Variants in CYP4Z1 observed in about 807,000 individuals in gnomAD.
CYP4Z1 encodes the protein cytochrome P450 family 4 subfamily Z member 1, also known as cytochrome P450 4Z1.
A neutral mutation model predicts 54.2 loss-of-function variants in CYP4Z1; 41 were observed. The observed-to-expected ratio is 0.76, with a 90% CI of 0.59 to 0.98. The LOEUF (loss-of-function observed/expected upper bound fraction) is 0.98. Among genes scored for constraint, CYP4Z1 ranks in the 50% least tolerant of loss-of-function variants. The pLI is 0.00. For missense variants in CYP4Z1, 513 were observed against 599.0 expected, an observed-to-expected ratio of 0.86 and a Z score of 1.50; for synonymous variants, 163 against 206.2, an observed-to-expected ratio of 0.79 and a Z score of 1.79.
chr1:47,057,335 A>AAAAAAAAT, the CYP4Z1 span, among the ~76,000 whole-genome samples: 49 of 28,472 alleles, frequency 1.7e-3, no homozygotes, highest in African/African-American at 2.1e-3. Context: ...AAGAAAAAAA[A>AAAAAAAAT]ATATATATAT....
At chr1:47,109,431 T>C (rs28525993) in intron 9 of CYP4Z1, among the ~76,000 whole-genome samples, 57,553 of 148,150 alleles carry the variant, frequency 0.39, 9,132 homozygotes, top group East Asian at 0.8. Flanking sequence ...TGAGCTACTT[T>C]AGGAAAAGTG....
chr1:47,076,837 G>A (rs372385674), intron 2 of CYP4Z1, among the ~76,000 whole-genome samples: 1,054 of 50,868 alleles, frequency 0.021, 22 homozygotes, highest in African/African-American at 0.074. Context: ...AGAGCCAGAC[G>A]CTGTCTCAAA....
rs760368352 is a variant in CYP4Z1 at position 47,099,093 on chromosome 1, G to A, written c.877-1G>A. ...ATAAAGATCATCACTGTATTTTTTA[G>A]AGCGAAAACACCAAAGATTTCTCTG... On this transcript the variant is annotated splice_acceptor_variant, in intron 7 of 11. Transcript: ENST00000334194. LOFTEE classifies it high-confidence loss of function. 12 of 1,613,826 alleles carry A rather than the reference G, an allele frequency of 7.4e-6. No individual in the cohort carries two copies. Among genetic ancestry groups the A allele is most frequent in the African/African-American group, 1.3e-5 (1 of 74,904 alleles).
chr1:47,068,578 G>A (rs1336390055), intron 1 of CYP4Z1, 44 bp from the exon 2 acceptor site: 1 of 1,606,348 alleles, frequency 6.2e-7, no homozygotes, highest in South Asian at 1.1e-5. Context: ...GGTCCTCCTG[G>A]GGTGACAACC....
intron 2 of CYP4Z1, chr1:47,075,733 A>C (rs200493233): frequency 0.31 from 54,372 of 177,256 alleles, 4,505 homozygotes; most frequent in East Asian, 0.59. Context: ...GAAGAGCTGG[A>C]AGTAGGTGCC....
chr1:47,066,650 A>T (rs1464922912), upstream of CYP4Z1, among the ~76,000 whole-genome samples: 1 of 152,198 alleles, frequency 6.6e-6, no homozygotes, highest in Non-Finnish European at 1.5e-5. Flanking sequence ...TAGTACTGGA[A>T]GTCCTAGCCA....
At chr1:47,097,805 T>C (rs920517997) in intron 7 of CYP4Z1, among the ~76,000 whole-genome samples, 6 of 150,620 alleles carry the variant, frequency 4.0e-5, no homozygotes, top group Non-Finnish European at 8.8e-5. Context: ...TCAGGCTCTT[T>C]TTCAGTTCCA....
At chr1:47,076,981 G>C (rs1442371997) in intron 2 of CYP4Z1, among the ~76,000 whole-genome samples, 2 of 150,996 alleles carry the variant, frequency 1.3e-5, no homozygotes, top group African/African-American at 4.9e-5. Flanking sequence ...TAAATTTATT[G>C]AGACTTTTTT....
chr1:47,079,674 A>C (rs1644549766), intron 2 of CYP4Z1, among the ~76,000 whole-genome samples: 1 of 152,276 alleles, frequency 6.6e-6, no homozygotes, highest in African/African-American at 2.4e-5. Context: ...GAATTAGTTA[A>C]GAAGGGGTCC....
chr1:47,060,222 T>A, the CYP4Z1 span, among the ~76,000 whole-genome samples: 1 of 152,304 alleles, frequency 6.6e-6, no homozygotes, highest in East Asian at 1.9e-4. Context: ...TAATAGATTA[T>A]TGAATGTAAA....
In CYP4Z1 at chr1:47,099,149, T is replaced by A. The variant is rs1430502668; in HGVS notation, c.932T>A (p.Phe311Tyr). 6 of 1,613,996 alleles carry A rather than the reference T, an allele frequency of 3.7e-6. No homozygotes were observed. Among genetic ancestry groups the A allele is most frequent in the Non-Finnish European group, 5.1e-6 (6 of 1,180,006 alleles). Residue 311 changes from phenylalanine (F) to tyrosine (Y), a missense_variant, in exon 8 of 12, where the codon TTC becomes TAC. Physicochemically the swap from Phe to Tyr is conservative, Grantham distance 22. Transcript: ENST00000334194. Reference sequence around the variant, plus strand: ...GATCTCCAGGCTGAAGTGAAAACGTTCATGTTTGCAGGACATGACACCACA... The same window carrying A: ...GATCTCCAGGCTGAAGTGAAAACGTACATGTTTGCAGGACATGACACCACA... ...EADLQAEVKT[F>Y]MFAGHDTTSS...
the CYP4Z1 span, among the ~76,000 whole-genome samples, chr1:47,059,191 A>T: frequency 6.6e-6 from 1 of 152,198 alleles, no homozygotes; most frequent in Non-Finnish European, 1.5e-5. Flanking sequence ...TTTTATTAAC[A>T]ATTTTATACT....
At chr1:47,077,180 GA>G (rs1644530588) in intron 2 of CYP4Z1, among the ~76,000 whole-genome samples, 2 of 151,990 alleles carry the variant, frequency 1.3e-5, no homozygotes, top group South Asian at 4.2e-4. Context: ...GGGATGTAGT[GA>G]ATTCTCCAAT....
chr1:47,099,169 AC>A lies in CYP4Z1; in HGVS notation c.954del (p.Thr319HisfsTer30). On this transcript the variant is annotated frameshift_variant, in exon 8 of 12. Transcript: ENST00000334194. LOFTEE classifies it high-confidence loss of function. ...VKTFMFAGHD[T>X]TSSAISWILY... Reference sequence around the variant, plus strand: ...AACGTTCATGTTTGCAGGACATGACACCACATCCAGTGCTATCTCCTGGATC... The same window carrying A: ...AACGTTCATGTTTGCAGGACATGACACACATCCAGTGCTATCTCCTGGATC... 1 of 1,614,044 alleles carries A rather than the reference AC, an allele frequency of 6.2e-7. No individual in the cohort carries two copies. Among genetic ancestry groups the A allele is most frequent in the Non-Finnish European group, 8.5e-7 (1 of 1,179,968 alleles).
At chr1:47,088,411 G>A (rs1644613622) in intron 6 of CYP4Z1, among the ~76,000 whole-genome samples, 1 of 152,030 alleles carries the variant, frequency 6.6e-6, no homozygotes, top group Non-Finnish European at 1.5e-5. Context: ...ACTTCTTCCT[G>A]GTTTAGTCTT....
intron 7 of CYP4Z1, among the ~76,000 whole-genome samples, chr1:47,095,187 T>C (rs1329111625): frequency 6.6e-6 from 1 of 152,206 alleles, no homozygotes; most frequent in African/African-American, 2.4e-5. Context: ...ATGTGGTCTA[T>C]AGACCAGCAG....
At position 47,109,320 on chromosome 1, in the gene CYP4Z1, A is replaced by G. The variant is rs2653921; in HGVS notation, c.1201+3059A>G. ...ATTCCCAGTTTTAAAAGGCAATGAG[A>G]GGGTGGCTGCAGAAAGACTTGCAGA... On this transcript the variant is annotated intron_variant, in intron 9 of 11. Coordinates refer to ENST00000334194, the MANE Select transcript of CYP4Z1 (RefSeq NM_178134.3). 3.7e-3 allele frequency among the ~76,000 whole-genome samples: 546 copies of G among 147,660 alleles called. 3 individuals are homozygous for G. The highest frequency in any genetic ancestry group is 0.013 in the African/African-American group (487 of 38,856).
chr1:47,094,615 A>G lies in CYP4Z1; in HGVS notation c.822A>G (p.Gln274=). The change falls in exon 7 of 12, where the codon CAA becomes CAG. Residue 274 remains glutamine, a synonymous_variant. Coordinates refer to ENST00000334194, the MANE Select transcript of CYP4Z1 (RefSeq NM_178134.3). ...AGTCTCTTAAGGATAAGCTAAAACA[A>G]GATACTACTCAGAAAAGGCGCTGGG... ...RKESLKDKLK[Q]DTTQKRRWDF... 6.2e-7 allele frequency: 1 copy of G among 1,610,700 alleles called. No individual in the cohort carries two copies.
chr1:47,093,384 C>T (rs1402728764), intron 6 of CYP4Z1, among the ~76,000 whole-genome samples: 1 of 152,178 alleles, frequency 6.6e-6, no homozygotes, highest in East Asian at 1.9e-4. Flanking sequence ...CTAAGTGATG[C>T]TTTACCCACA....
Sources: gnomAD v4.1 joint callset for allele counts (sites outside exome capture counted in the v4.1 genomes callset) on GRCh38, gnomAD v4.1.1 for gene constraint, MANE v1.5 for transcripts, NCBI Gene and HGNC (gene_info 2026-07-23, HGNC 2026-07-21) for gene names.